AXIN2: variants seen among roughly 807,000 people sequenced by gnomAD.
AXIN2 encodes axin-2.
In AXIN2, 21 loss-of-function variants were observed where a neutral mutation model predicts 74.7. That is an observed-to-expected ratio of 0.28 (90% CI 0.20 to 0.40). The LOEUF (loss-of-function observed/expected upper bound fraction) is 0.40. AXIN2 is among the 10% of genes least tolerant of loss of function. AXIN2 has a pLI of 1.00. For synonymous variants in AXIN2, 532 were observed against 454.9 expected (o/e 1.17, Z -2.16); for missense variants, 1,144 against 1,111.1 (o/e 1.03, Z -0.42).
At chr17:65,531,404 T>C (rs1370361868) in intron 10 of AXIN2, among the ~76,000 whole-genome samples, 2 of 151,458 alleles carry the variant, frequency 1.3e-5, no homozygotes, top group African/African-American at 2.4e-5. Flanking sequence ...AGACACGTCA[T>C]GTCAAGGGGT....
rs759128363 is a variant in AXIN2 at position 65,538,298 on chromosome 17, T to C, written c.1105A>G (p.Thr369Ala). 6.2e-7 allele frequency: 1 copy of C among 1,613,760 alleles called. No individual in the cohort carries two copies. The highest frequency in any genetic ancestry group is 8.5e-7 in the Non-Finnish European group (1 of 1,179,912). ...CTCGAGATCAGCTCAGCTGCAAAGG[T>C]GGCGGGTTCCACGGGGGTCATCTCC... is the stretch of plus-strand genomic sequence containing the variant. ...PKEMTPVEPA[T>A]FAAELISRLE... Residue 369 changes from threonine to alanine, a missense_variant, in exon 5 of 11, where the codon ACC becomes GCC. Thr to Ala is a moderately conservative substitution (Grantham distance 58). Coordinates refer to ENST00000307078, the MANE Select transcript of AXIN2 (RefSeq NM_004655.4).
At chr17:65,538,534 C>A (rs1019510770) in intron 4 of AXIN2, among the ~76,000 whole-genome samples, 191 bp from the exon 5 acceptor site, 2 of 151,872 alleles carry the variant, frequency 1.3e-5, no homozygotes, top group African/African-American at 4.8e-5. Context: ...GAGCCATGGT[C>A]CCCACCAGCG....
chr17:65,532,905 C>A (rs2043848124), intron 10 of AXIN2, among the ~76,000 whole-genome samples: 1 of 152,208 alleles, frequency 6.6e-6, no homozygotes, highest in African/African-American at 2.4e-5. Context: ...AACTAGGGTG[C>A]CCCTGTCTCA....
Position 65,561,628 on chromosome 17 carries a change from C to T in AXIN2, c.-295G>A, listed in dbSNP as rs2044378423. 6.6e-6 allele frequency: 1 copy of T among 151,482 alleles called. No homozygotes were observed. The highest frequency in any genetic ancestry group is 1.5e-5 in the Non-Finnish European group (1 of 67,708). 9.4% of individuals were successfully genotyped at this position (151,482 alleles called of 1,614,324 possible). On this transcript the variant is annotated 5_prime_UTR_variant, in exon 1 of 11. Coordinates refer to ENST00000307078, the MANE Select transcript of AXIN2 (RefSeq NM_004655.4). ...GCCAGGCTCGCGGAGCCAGTGATCCCGCCGCGCCAATCACAGCCGCGCTCG... is the reference window on the plus strand; with the variant it reads ...GCCAGGCTCGCGGAGCCAGTGATCCTGCCGCGCCAATCACAGCCGCGCTCG...
At position 65,536,338 on chromosome 17, in the gene AXIN2, G is replaced by A. The variant is rs587780123; in HGVS notation, c.2123C>T (p.Ser708Leu). ...CACTCACCGCTGCTTTGGGGGCTTC[G>A]ACACCTCAGCTAGCCTGCGACAGGC... Reference protein sequence around the residue: ...EEACRRLAEVSKPPKQRCCVA... With the variant: ...EEACRRLAEVLKPPKQRCCVA... The change falls in exon 8 of 11, where the codon TCG becomes TTG. Residue 708 changes from serine to leucine, a missense_variant. Coordinates refer to ENST00000307078, the MANE Select transcript of AXIN2 (RefSeq NM_004655.4). The A allele has an allele frequency of 2.0e-5, 33 of 1,612,098 alleles. No homozygotes were observed. Among genetic ancestry groups the A allele is most frequent in the Non-Finnish European group, 2.6e-5 (31 of 1,179,618 alleles).
intron 6 of AXIN2, 70 bp from the exon 7 acceptor site, chr17:65,537,133 A>G: frequency 1.3e-6 from 2 of 1,570,328 alleles, no homozygotes; most frequent in Non-Finnish European, 1.7e-6. Context: ...AGAATCAGAC[A>G]ATTCAGCAAG....
chr17:65,530,198 GAA>G, intron 10 of AXIN2, 96 bp from the exon 11 acceptor site: 1 of 1,548,046 alleles, frequency 6.5e-7, no homozygotes, highest in Admixed American at 1.7e-5. Flanking sequence ...GGTATCCTAG[GAA>G]TTTGCTATGG....
chr17:65,537,044 AGGTACTG>A lies in AXIN2; in HGVS notation c.1725_1731del (p.Ser576CysfsTer111). On this transcript the variant is annotated frameshift_variant, in exon 7 of 11. Coordinates refer to ENST00000307078, the MANE Select transcript of AXIN2 (RefSeq NM_004655.4). LOFTEE classifies it high-confidence loss of function. Reference sequence around the variant, plus strand: ...GTGCCTTTCCCATTGCGTTTGGGCAAGGTACTGCCTCTGCTGCCGCTGTGGGGAACCA... The same window carrying A: ...GTGCCTTTCCCATTGCGTTTGGGCAACCTCTGCTGCCGCTGTGGGGAACCA... 6.2e-7 allele frequency: 1 copy of A among 1,607,462 alleles called. No individual in the cohort carries two copies. Among genetic ancestry groups the A allele is most frequent in the Non-Finnish European group, 8.5e-7 (1 of 1,179,698 alleles).
intron 10 of AXIN2, among the ~76,000 whole-genome samples, 165 bp downstream of exon 10, chr17:65,533,747 G>A (rs371643404): frequency 2.6e-5 from 4 of 152,320 alleles, no homozygotes; most frequent in East Asian, 1.9e-4. Context: ...TGCTGCTAGC[G>A]GTGAGGGGAG....
intron 7 of AXIN2, 110 bp from the exon 8 acceptor site, chr17:65,536,663 A>C: frequency 2.1e-6 from 3 of 1,427,332 alleles, no homozygotes; most frequent in Non-Finnish European, 2.9e-6. Context: ...GAGAGAGTTA[A>C]AAAAAAAACT....
intron 3 of AXIN2, among the ~76,000 whole-genome samples, chr17:65,543,919 A>G (rs1006326383): frequency 6.6e-6 from 1 of 152,162 alleles, no homozygotes; most frequent in Non-Finnish European, 1.5e-5. Context: ...GATACCTTGT[A>G]TGGTAGGGGT....
chr17:65,543,506 T>C (rs1284613942), intron 3 of AXIN2, among the ~76,000 whole-genome samples: 2 of 152,136 alleles, frequency 1.3e-5, no homozygotes, highest in Non-Finnish European at 1.5e-5. Context: ...ACGTCAGACA[T>C]TGGACCTATA....
chr17:65,533,208 A>G (rs2043853143), intron 10 of AXIN2, among the ~76,000 whole-genome samples: 1 of 152,184 alleles, frequency 6.6e-6, no homozygotes, highest in Non-Finnish European at 1.5e-5. Context: ...GAGACCAGGA[A>G]GTTCCCTTCC....
Position 65,557,830 on chromosome 17 carries a change from G to A in AXIN2, c.791C>T (p.Thr264Met), listed in dbSNP as rs771809149. Residue 264 changes from threonine (T) to methionine (M), a missense_variant, in exon 2 of 11, where the codon ACG becomes ATG. This residue lies in a region of AXIN2 where 1,053 missense variants were observed against 973.5 expected (regional missense o/e 1.08). Coordinates refer to ENST00000307078, the MANE Select transcript of AXIN2 (RefSeq NM_004655.4). ...TLRATASVRSTETVDSGYRSF... is the reference protein window; with the variant it reads ...TLRATASVRSMETVDSGYRSF... ...CCTGTATCCACTGTCAACAGTTTCC[G>A]TGGACCTCACACTCGCCGTGGCCCT... 1.2e-6 allele frequency: 2 copies of A among 1,614,158 alleles called. No individual in the cohort carries two copies. Among genetic ancestry groups the A allele is most frequent in the Non-Finnish European group, 1.7e-6 (2 of 1,180,034 alleles).
intron 3 of AXIN2, among the ~76,000 whole-genome samples, chr17:65,545,768 A>G (rs554850505): frequency 6.6e-6 from 1 of 152,282 alleles, no homozygotes; most frequent in Non-Finnish European, 1.5e-5. Flanking sequence ...CTTTTTACTT[A>G]GCAGGAAAAC....
chr17:65,532,331 A>C (rs1437175450), intron 10 of AXIN2, among the ~76,000 whole-genome samples: 1 of 152,212 alleles, frequency 6.6e-6, no homozygotes. Context: ...GTTCCACTCG[A>C]AGTCCAGCCG....
rs950007141 is a variant in AXIN2 at position 65,537,612 on chromosome 17, G to A, written c.1424C>T (p.Ser475Leu). Residue 475 changes from serine to leucine, a missense_variant, in exon 6 of 11, where the codon TCG becomes TTG. Physicochemically the swap from Ser to Leu is moderately radical, Grantham distance 145. Transcript: ENST00000307078. ...GGGCGGGAGCAGGGAGTGGTACTGC[G>A]AATGGTGGTGGTGGTGGTGGTCCGG... ...RSPDHHHHHH[S>L]QYHSLLPPGG... The A allele has an allele frequency of 6.3e-7, 1 of 1,599,046 alleles. No homozygotes were observed.
At chr17:65,541,991 G>T (rs908985893) in intron 3 of AXIN2, among the ~76,000 whole-genome samples, 2 of 152,184 alleles carry the variant, frequency 1.3e-5, no homozygotes, top group Admixed American at 1.3e-4. Flanking sequence ...GATAGGGCCA[G>T]GGCAGAAAGT....
In AXIN2 at chr17:65,537,000, C is replaced by T. The variant is rs371878937; in HGVS notation, c.1776G>A (p.Leu592=). The T allele has an allele frequency of 2.5e-6, 4 of 1,612,206 alleles. No homozygotes were observed. Among genetic ancestry groups the T allele is most frequent in the South Asian group, 1.1e-5 (1 of 91,050 alleles). ...NGKGTEPGLA[L]PAREGGAPGG... is the part of the protein sequence containing the mutation. ...CGGGGGCCCCTCCTTCCCTGGCGGG[C>T]AGGGCCAGGCCCGGCTCCGTGCCTT... Residue 592 remains leucine (L), a synonymous_variant, in exon 7 of 11, where the codon CTG becomes CTA. Coordinates refer to ENST00000307078, the MANE Select transcript of AXIN2 (RefSeq NM_004655.4).
Sources: gnomAD v4.1 joint callset for allele counts (sites outside exome capture counted in the v4.1 genomes callset) on GRCh38, gnomAD v4.1.1 for gene constraint, gnomAD v4.1.1 regional missense constraint, MANE v1.5 for transcripts, NCBI Gene and HGNC (gene_info 2026-07-23, HGNC 2026-07-21) for gene names.